The following TYW1B variants were observed in gnomAD, a reference collection of about 807,000 sequenced individuals.
TYW1B encodes tRNA-yW synthesizing protein 1 homolog B, also known as S-adenosyl-L-methionine-dependent tRNA 4-demethylwyosine synthase TYW1B.
TYW1B carries 73 observed loss-of-function variants against 86.9 expected under a neutral mutation model. The ratio of observed to expected loss-of-function variants is 0.84; its 90% CI spans 0.70 to 1.02. The LOEUF is 1.02. TYW1B is among the 50% of genes least tolerant of loss of function. TYW1B has a pLI of 0.00. For missense variants in TYW1B, 637 were observed against 827.4 expected (o/e 0.77, Z 2.82); for synonymous variants, 248 against 292.8 (o/e 0.85, Z 1.56).
intron 11 of TYW1B, among the ~76,000 whole-genome samples, chr7:72,652,406 A>AAT (rs1563046617): frequency 6.7e-6 from 1 of 149,038 alleles, no homozygotes; most frequent in Non-Finnish European, 1.5e-5. Flanking sequence ...AAAAAAAAAA[A>AAT]TTTTTGTGAC....
At chr7:72,711,237 G>C (rs1554454706) in intron 10 of TYW1B, among the ~76,000 whole-genome samples, 1 of 150,890 alleles carries the variant, frequency 6.6e-6, no homozygotes, top group Non-Finnish European at 1.5e-5. Flanking sequence ...TGCCTGCCGC[G>C]CAGAAAGATA....
At chr7:72,598,668 G>C (rs1293358981) in intron 13 of TYW1B, among the ~76,000 whole-genome samples, 3 of 152,330 alleles carry the variant, frequency 2.0e-5, no homozygotes, top group Non-Finnish European at 4.4e-5. Context: ...TTACAAGTAA[G>C]AGTGGGCTAC....
intron 11 of TYW1B, 40 bp downstream of exon 11, chr7:72,694,647 G>A: frequency 6.3e-7 from 1 of 1,577,170 alleles, no homozygotes; most frequent in Non-Finnish European, 8.6e-7. Context: ...GTACACACCT[G>A]AGGGTTGTTT....
chr7:72,688,135 T>C (rs1232096224), intron 11 of TYW1B, among the ~76,000 whole-genome samples: 2 of 152,200 alleles, frequency 1.3e-5, no homozygotes, highest in Non-Finnish European at 2.9e-5. Context: ...ATAAAAACTG[T>C]AGAAGATGTA....
chr7:72,638,872 C>T (rs1180381056), intron 11 of TYW1B, among the ~76,000 whole-genome samples: 2 of 152,238 alleles, frequency 1.3e-5, no homozygotes, highest in Admixed American at 1.3e-4. Context: ...TATCGTCAAT[C>T]GAGCCTTTAG....
chr7:72,697,262 C>A (rs1814344107), intron 10 of TYW1B, among the ~76,000 whole-genome samples: 1 of 152,046 alleles, frequency 6.6e-6, no homozygotes, highest in African/African-American at 2.4e-5. Context: ...GGCCTGGACA[C>A]TGATACTACT....
chr7:72,766,306 T>G (rs1446072927), intron 7 of TYW1B, among the ~76,000 whole-genome samples: 1 of 152,342 alleles, frequency 6.6e-6, no homozygotes. Flanking sequence ...GTTTACCTTT[T>G]ATTTTCCCTT....
chr7:72,767,664 T>C (rs554617002), intron 7 of TYW1B, among the ~76,000 whole-genome samples: 25 of 152,192 alleles, frequency 1.6e-4, no homozygotes, highest in African/African-American at 5.1e-4. Flanking sequence ...CATTGACTTA[T>C]AGTAACTCAT....
At chr7:72,681,884 C>A (rs1813883636) in intron 11 of TYW1B, among the ~76,000 whole-genome samples, 1 of 150,964 alleles carries the variant, frequency 6.6e-6, no homozygotes, top group Non-Finnish European at 1.5e-5. Context: ...CGCACCCGGC[C>A]GTCTGTTTTT....
chr7:72,827,092 C>G, intron 1 of TYW1B, 107 bp from the exon 2 acceptor site: 2 of 1,380,812 alleles, frequency 1.4e-6, no homozygotes, highest in Non-Finnish European at 2.0e-6. Flanking sequence ...ATTCAACAAC[C>G]CAGCTAAGAA....
chr7:72,579,020 A>G lies in TYW1B; in HGVS notation c.1786-3301T>C, dbSNP rs560637668. ...GCCATGGGTGTTCTAAGAGAGAGTA[A>G]AGGATTGGTTTGAGCAATACAATGG... On this transcript the variant is annotated intron_variant, in intron 13 of 13. Coordinates refer to ENST00000620995, the MANE Select transcript of TYW1B (RefSeq NM_001145440.3). Among the ~76,000 whole-genome samples the G allele has an allele frequency of 1.0e-3, 158 of 152,258 alleles. 1 individual carries two copies. Among genetic ancestry groups the G allele is most frequent in the Middle Eastern group, 0.01 (3 of 294 alleles).
intron 12 of TYW1B, among the ~76,000 whole-genome samples, chr7:72,627,377 G>C (rs1457634217): frequency 6.6e-6 from 1 of 151,838 alleles, no homozygotes; most frequent in Non-Finnish European, 1.5e-5. Context: ...GAACCCGGGA[G>C]GCGGAGGTTT....
intron 10 of TYW1B, among the ~76,000 whole-genome samples, chr7:72,710,510 T>C (rs1786629720): frequency 6.6e-6 from 1 of 152,200 alleles, no homozygotes; most frequent in Non-Finnish European, 1.5e-5. Flanking sequence ...ATAATTTTAA[T>C]CAACTCTTCG....
At chr7:72,754,702 T>C (rs1470565474) in intron 7 of TYW1B, among the ~76,000 whole-genome samples, 3 of 152,080 alleles carry the variant, frequency 2.0e-5, no homozygotes, top group Non-Finnish European at 4.4e-5. Context: ...CCTCCCCAAG[T>C]GCTGGGACTA....
intron 12 of TYW1B, among the ~76,000 whole-genome samples, chr7:72,626,104 T>C (rs1812343430): frequency 6.6e-6 from 1 of 151,562 alleles, no homozygotes; most frequent in Non-Finnish European, 1.5e-5. Context: ...CTTTGCATCA[T>C]TAGAGCTCCT....
chr7:72,797,372 C>T (rs528797318), intron 6 of TYW1B, among the ~76,000 whole-genome samples: 1 of 152,226 alleles, frequency 6.6e-6, no homozygotes, highest in African/African-American at 2.4e-5. Flanking sequence ...GTGGGGCTTC[C>T]TGGTTGAGGA....
chr7:72,747,445 A>G lies in TYW1B; in HGVS notation c.965-2844T>C, dbSNP rs1251209235. Among the ~76,000 whole-genome samples, 5 of 152,326 alleles carry G rather than the reference A, an allele frequency of 3.3e-5. No individual in the cohort carries two copies. The East Asian group carries it at 9.6e-4, about 29-fold the overall frequency. ...TTTATCAGCAGCATGAAAACGGACT[A>G]ATACAGAATTGCTTTTGCATTTTTG... On this transcript the variant is annotated intron_variant, in intron 7 of 13. Coordinates refer to ENST00000620995, the MANE Select transcript of TYW1B (RefSeq NM_001145440.3).
At chr7:72,682,988 G>T (rs1183588880) in intron 11 of TYW1B, among the ~76,000 whole-genome samples, 1 of 152,178 alleles carries the variant, frequency 6.6e-6, no homozygotes, top group African/African-American at 2.4e-5. Context: ...TGTGCTTCTG[G>T]TAAGGGGAGG....
intron 10 of TYW1B, among the ~76,000 whole-genome samples, chr7:72,698,478 C>T (rs1814377893): frequency 6.6e-6 from 1 of 152,010 alleles, no homozygotes; most frequent in South Asian, 2.1e-4. Flanking sequence ...AACCCCATCT[C>T]TACTAAAAAA....
Sources: allele counts gnomAD v4.1 joint callset (sites outside exome capture counted in the v4.1 genomes callset), GRCh38; gene constraint gnomAD v4.1.1; transcripts MANE v1.5; gene names NCBI Gene and HGNC (gene_info 2026-07-23, HGNC 2026-07-21).